The following OSTM1 variants were observed in gnomAD, a reference collection of about 807,000 sequenced individuals.
OSTM1 encodes the protein osteoclastogenesis associated transmembrane protein 1, also known as osteopetrosis-associated transmembrane protein 1.
OSTM1 carries 26 observed loss-of-function variants against 35.4 expected under a neutral mutation model. That is an observed-to-expected ratio of 0.73 (90% CI 0.54 to 1.02). The LOEUF is 1.02. Among genes scored for constraint, OSTM1 ranks in the 50% least tolerant of loss-of-function variants. The pLI, the probability that OSTM1 is intolerant of heterozygous loss-of-function variation, is 0.00. For synonymous variants in OSTM1, 181 were observed against 165.0 expected (o/e 1.10, Z -0.75); for missense variants, 366 against 409.6 (o/e 0.89, Z 0.92).
At position 108,074,303 on chromosome 6, in the gene OSTM1, G is replaced by A; in HGVS notation, c.349C>T (p.Pro117Ser). ...TTGCTGACGACCTGTTGGAAGAGGG[G>A]GTAGCAGGTCTGACAGAGGCGCACG... The part of the protein sequence containing the change: ...RPVRLCQTCY[P>S]LFQQVVSKMD... Residue 117 changes from proline (P) to serine (S), a missense_variant, in exon 1 of 6, where the codon CCC becomes TCC. Coordinates refer to ENST00000193322, the MANE Select transcript of OSTM1 (RefSeq NM_014028.4). The A allele has an allele frequency of 6.2e-7, 1 of 1,612,472 alleles. No homozygotes were observed. Among genetic ancestry groups the A allele is most frequent in the Non-Finnish European group, 8.5e-7 (1 of 1,179,946 alleles).
At position 108,042,308 on chromosome 6, in the gene OSTM1, A is replaced by T. The variant is rs1391308093; in HGVS notation, c.*2477T>A. ...AAAAAATTAATTATAAAAAAAAAAG[A>T]AAAAATATATCTGATGTTATTTCTA... On this transcript the variant is annotated 3_prime_UTR_variant, in exon 6 of 6. Transcript: ENST00000193322. 1 of 150,520 alleles carries T rather than the reference A, an allele frequency of 6.6e-6. No homozygotes were observed. Among genetic ancestry groups the T allele is most frequent in the Non-Finnish European group, 1.5e-5 (1 of 67,610 alleles). The allele number at this position is 150,520 out of a possible 1,614,324, so 9.3% of individuals were successfully genotyped here. A position where few individuals can be genotyped will look rare whatever the true frequency, so the allele number is the denominator to read the frequency against.
At chr6:108,058,806 A>G (rs1772217315) in intron 2 of OSTM1, among the ~76,000 whole-genome samples, 1 of 152,014 alleles carries the variant, frequency 6.6e-6, no homozygotes, top group Admixed American at 6.6e-5. Flanking sequence ...TGGTTAATTG[A>G]CCTTCTGGTT....
chr6:108,047,179 T>C lies in OSTM1; in HGVS notation c.949+2074A>G, dbSNP rs1562369329. Among the ~76,000 whole-genome samples the C allele has an allele frequency of 2.0e-5, 3 of 151,980 alleles. No homozygotes were observed. In the South Asian group the frequency reaches 6.2e-4, roughly 32 times the overall value. Reference sequence around the variant, plus strand: ...CGGCACAGAAGAACAAATGGAGAGGTGTATTCTTAGACTGGGGAGTCATAA... The same window carrying C: ...CGGCACAGAAGAACAAATGGAGAGGCGTATTCTTAGACTGGGGAGTCATAA... On this transcript the variant is annotated intron_variant, in intron 5 of 5. Coordinates refer to ENST00000193322, the MANE Select transcript of OSTM1 (RefSeq NM_014028.4).
At chr6:108,063,230 G>T (rs1772317950) in intron 2 of OSTM1, among the ~76,000 whole-genome samples, 2 of 151,916 alleles carry the variant, frequency 1.3e-5, no homozygotes, top group African/African-American at 4.8e-5. Context: ...ATGTTCCCCA[G>T]GCTGGTCTCA....
chr6:108,066,130 G>A (rs893915419), intron 1 of OSTM1, among the ~76,000 whole-genome samples: 1 of 152,146 alleles, frequency 6.6e-6, no homozygotes, highest in East Asian at 1.9e-4. Flanking sequence ...AGGCCGTGAG[G>A]GTCATGAGAG....
chr6:108,051,780 C>T (rs1228145256), intron 3 of OSTM1, among the ~76,000 whole-genome samples: 2 of 152,154 alleles, frequency 1.3e-5, no homozygotes, highest in Non-Finnish European at 2.9e-5. Context: ...GGGCCAAATA[C>T]CAAAGAATTG....
chr6:108,066,074 A>G (rs1001167304), intron 1 of OSTM1, among the ~76,000 whole-genome samples: 1 of 152,218 alleles, frequency 6.6e-6, no homozygotes, highest in Non-Finnish European at 1.5e-5. Context: ...TCAGTAGTCT[A>G]TGAAAGTAGG....
In OSTM1 at chr6:108,050,553, G is replaced by T. The variant is rs905044053; in HGVS notation, c.783+478C>A. On this transcript the variant is annotated intron_variant, in intron 4 of 5. Coordinates refer to ENST00000193322, the MANE Select transcript of OSTM1 (RefSeq NM_014028.4). ...TAATTTTTCTATTTTTAGTAGAGAC[G>T]GGGTTTCACCATGTTGGTCAGGCTG... Among the ~76,000 whole-genome samples the T allele has an allele frequency of 8.0e-5, 12 of 149,122 alleles. No homozygotes were observed. In the East Asian group the frequency reaches 2.1e-3, roughly 26 times the overall value.
intron 4 of OSTM1, chr6:108,049,703 C>A: frequency 2.6e-6 from 1 of 386,348 alleles, no homozygotes. Flanking sequence ...AAACAAAGAA[C>A]TTATATGAAG....
chr6:108,058,044 CTTTTTTTT>C (rs761751778), intron 2 of OSTM1, among the ~76,000 whole-genome samples: 2 of 121,564 alleles, frequency 1.6e-5, no homozygotes, highest in African/African-American at 3.2e-5. Context: ...AAGAGTCAAT[CTTTTTTTT>C]TTTTTTTTTT....
At chr6:108,072,013 G>A (rs1772494361) in intron 1 of OSTM1, among the ~76,000 whole-genome samples, 1 of 152,112 alleles carries the variant, frequency 6.6e-6, no homozygotes, top group Non-Finnish European at 1.5e-5. Flanking sequence ...AGAGTTTGAG[G>A]TGCTATTTTT....
At chr6:108,056,327 T>G (rs1772169118) in intron 2 of OSTM1, among the ~76,000 whole-genome samples, 1 of 152,224 alleles carries the variant, frequency 6.6e-6, no homozygotes, top group African/African-American at 2.4e-5. Flanking sequence ...AGTAAAAAGC[T>G]AGACTCTGTA....
rs561684241 is a variant in OSTM1 at position 108,074,141 on chromosome 6, C to G, written c.402+109G>C. Reference sequence around the variant, plus strand: ...CAACTCTACAGACTCAGTCCAACCCCTTTTTCTTACTGTTGGGGAAACTGA... The same window carrying G: ...CAACTCTACAGACTCAGTCCAACCCGTTTTTCTTACTGTTGGGGAAACTGA... On this transcript the variant is annotated intron_variant, in intron 1 of 5. Coordinates refer to ENST00000193322, the MANE Select transcript of OSTM1 (RefSeq NM_014028.4). 4.5e-6 allele frequency: 5 copies of G among 1,120,418 alleles called. No individual in the cohort carries two copies. The African/African-American group carries it at 6.1e-5, about 14-fold the overall frequency. The allele number at this position is 1,120,418 out of a possible 1,614,324, so 69.4% of individuals were successfully genotyped here.
At chr6:108,054,913 A>G (rs1361782901) in intron 2 of OSTM1, among the ~76,000 whole-genome samples, 1 of 152,260 alleles carries the variant, frequency 6.6e-6, no homozygotes, top group Non-Finnish European at 1.5e-5. Context: ...CTATTTAGGC[A>G]TAAGACTGTT....
chr6:108,071,450 C>T (rs1422656646), intron 1 of OSTM1, among the ~76,000 whole-genome samples: 1 of 148,652 alleles, frequency 6.7e-6, no homozygotes, highest in Non-Finnish European at 1.5e-5. Context: ...CGCACCACCA[C>T]ACCCGGCTAA....
rs1771917609 is a variant in OSTM1, at chr6:108,043,815, T to G, written c.*970A>C. 1 of 152,184 alleles carries G rather than the reference T, an allele frequency of 6.6e-6. No individual in the cohort carries two copies. The highest frequency in any genetic ancestry group is 2.4e-5 in the African/African-American group (1 of 41,452). The allele number at this position is 152,184 out of a possible 1,614,324, so 9.4% of individuals were successfully genotyped here. On this transcript the variant is annotated 3_prime_UTR_variant, in exon 6 of 6. Coordinates refer to ENST00000193322, the MANE Select transcript of OSTM1 (RefSeq NM_014028.4). ...TTCATCCCCTCAATACACACCACTG[T>G]CCAACAGTCTTACAGTGAGCATCCT... is the stretch of plus-strand genomic sequence containing the variant.
At position 108,074,247 on chromosome 6, in the gene OSTM1, C is replaced by T. The variant is rs1262762420; in HGVS notation, c.402+3G>A. ...ACAGTCCCGGACGTGGTCCTGTACC[C>T]ACCCCCGCGGCTCGGCTGATGTTGT... On this transcript the variant is annotated splice_donor_region_variant and intron_variant, in intron 1 of 5. Coordinates refer to ENST00000193322, the MANE Select transcript of OSTM1 (RefSeq NM_014028.4). 1.9e-6 allele frequency: 3 copies of T among 1,611,984 alleles called. No individual in the cohort carries two copies. Among genetic ancestry groups the T allele is most frequent in the East Asian group, 2.2e-5 (1 of 44,884 alleles).
intron 4 of OSTM1, among the ~76,000 whole-genome samples, chr6:108,050,766 T>G (rs572557164): frequency 6.6e-6 from 1 of 152,308 alleles, no homozygotes; most frequent in African/African-American, 2.4e-5. Flanking sequence ...TTAAAAAGAT[T>G]AAAATGTACC....
At chr6:108,045,054 A>G (rs1771943176) in intron 5 of OSTM1, among the ~76,000 whole-genome samples, 2 of 152,196 alleles carry the variant, frequency 1.3e-5, no homozygotes, top group Non-Finnish European at 2.9e-5. Context: ...CTTTGTTAGA[A>G]GCAGTACAAA....
Sources: gnomAD v4.1 joint callset for allele counts (sites outside exome capture counted in the v4.1 genomes callset) on GRCh38, gnomAD v4.1.1 for gene constraint, MANE v1.5 for transcripts, NCBI Gene and HGNC (gene_info 2026-07-23, HGNC 2026-07-21) for gene names.